Variants in SPAG16 observed in about 807,000 individuals in gnomAD.
SPAG16 encodes sperm associated antigen 16.
SPAG16 carries 86 observed loss-of-function variants against 80.4 expected under a neutral mutation model. That is an observed-to-expected ratio of 1.07 (90% CI 0.90 to 1.28). SPAG16 has a LOEUF of 1.28. Among genes scored for constraint, SPAG16 ranks in the 50% most tolerant of loss-of-function variants. SPAG16 has a pLI of 0.00. For synonymous variants in SPAG16, 294 were observed against 265.9 expected (o/e 1.11, Z -1.03); for missense variants, 870 against 765.3 (o/e 1.14, Z -1.61).
Position 213,824,931 on chromosome 2 carries a change from A to G in SPAG16, c.1071-37554A>G, listed in dbSNP as rs112097808. The stretch of plus-strand genomic sequence containing the variant: ...GAATCAGTGTTCTAGTTTTCATTGT[A>G]TATGTTTCACTTCTCTGGTTAATTC... On this transcript the variant is annotated intron_variant, in intron 10 of 15. Coordinates refer to ENST00000331683, the MANE Select transcript of SPAG16 (RefSeq NM_024532.5). Among the ~76,000 whole-genome samples, 117 of 151,852 alleles carry G rather than the reference A, an allele frequency of 7.7e-4. 2 individuals are homozygous for G. The highest frequency in any genetic ancestry group is 2.6e-3 in the African/African-American group (109 of 41,464).
At chr2:214,347,125 T>C (rs529555966) in intron 15 of SPAG16, among the ~76,000 whole-genome samples, 2 of 152,274 alleles carry the variant, frequency 1.3e-5, no homozygotes, top group East Asian at 3.9e-4. Flanking sequence ...ATGAGTACAC[T>C]GTTATTGGTG....
At chr2:213,401,448 T>G (rs1284665076) in intron 9 of SPAG16, among the ~76,000 whole-genome samples, 1 of 152,242 alleles carries the variant, frequency 6.6e-6, no homozygotes, top group East Asian at 1.9e-4. Context: ...TTATTGTTTC[T>G]TTGGTATAAA....
intron 5 of SPAG16, among the ~76,000 whole-genome samples, chr2:213,318,251 G>T (rs900492511): frequency 1.3e-5 from 2 of 151,934 alleles, no homozygotes; most frequent in Non-Finnish European, 2.9e-5. Context: ...TGGAATCAAC[G>T]TAAGTGTCCA....
chr2:213,446,934 C>T (rs992261386), intron 9 of SPAG16, among the ~76,000 whole-genome samples: 15 of 152,144 alleles, frequency 9.9e-5, no homozygotes, highest in Non-Finnish European at 1.9e-4. Context: ...ATTTGGTCTC[C>T]GGCCTCTCCC....
chr2:214,059,184 G>GTCTCTCTC (rs1338455574), intron 13 of SPAG16, among the ~76,000 whole-genome samples: 21 of 58,400 alleles, frequency 3.6e-4, no homozygotes, highest in African/African-American at 9.8e-4. Context: ...CTCTCTCTCT[G>GTCTCTCTC]TCTATATATA....
intron 13 of SPAG16, among the ~76,000 whole-genome samples, chr2:214,063,504 G>A (rs1210329547): frequency 6.6e-6 from 1 of 152,122 alleles, no homozygotes; most frequent in Non-Finnish European, 1.5e-5. Context: ...CAACAATGGG[G>A]CAATTACTAG....
intron 11 of SPAG16, among the ~76,000 whole-genome samples, chr2:213,888,382 G>A (rs1437382782): frequency 6.6e-6 from 1 of 151,718 alleles, no homozygotes; most frequent in African/African-American, 2.4e-5. Context: ...AGAAAAGTTA[G>A]GTACATTATT....
At chr2:214,150,563 A>G (rs1183726770) in intron 15 of SPAG16, among the ~76,000 whole-genome samples, 1 of 152,098 alleles carries the variant, frequency 6.6e-6, no homozygotes, top group Non-Finnish European at 1.5e-5. Context: ...AGGAACTCTT[A>G]CAGCTTTCAC....
chr2:213,461,809 T>C (rs911964531), intron 9 of SPAG16, among the ~76,000 whole-genome samples: 14 of 152,138 alleles, frequency 9.2e-5, no homozygotes, highest in African/African-American at 3.4e-4. Flanking sequence ...ACAAAAATGC[T>C]ATAGGAATAG....
intron 15 of SPAG16, among the ~76,000 whole-genome samples, chr2:214,330,079 C>T (rs1696799104): frequency 1.4e-5 from 2 of 146,960 alleles, no homozygotes; most frequent in Admixed American, 1.4e-4. Flanking sequence ...CCAACCTGGC[C>T]AACATGATGA....
intron 9 of SPAG16, among the ~76,000 whole-genome samples, chr2:213,410,743 G>A (rs767459420): frequency 6.6e-6 from 1 of 152,176 alleles, no homozygotes; most frequent in Non-Finnish European, 1.5e-5. Flanking sequence ...TTGTGCGCAC[G>A]GCAAGCCAGA....
At chr2:214,245,951 T>C (rs954251680) in intron 15 of SPAG16, among the ~76,000 whole-genome samples, 1 of 152,166 alleles carries the variant, frequency 6.6e-6, no homozygotes, top group African/African-American at 2.4e-5. Context: ...GGAATTTACA[T>C]GCACAGTTAA....
intron 11 of SPAG16, among the ~76,000 whole-genome samples, chr2:213,900,163 C>T (rs923985961): frequency 2.6e-5 from 4 of 152,086 alleles, no homozygotes; most frequent in Non-Finnish European, 5.9e-5. Context: ...GGTACACTGA[C>T]AAATTTTGCA....
intron 9 of SPAG16, among the ~76,000 whole-genome samples, chr2:213,419,039 A>G (rs987037117): frequency 1.0e-5 from 1 of 99,780 alleles, no homozygotes; most frequent in Admixed American, 9.8e-5. Context: ...GTAGTATGGT[A>G]GGAATAGAGA....
chr2:214,139,649 C>T (rs1007229498), intron 14 of SPAG16, among the ~76,000 whole-genome samples: 5 of 151,944 alleles, frequency 3.3e-5, no homozygotes, highest in Non-Finnish European at 7.4e-5. Flanking sequence ...AATATGAATT[C>T]CTTCATTTGG....
intron 6 of SPAG16, among the ~76,000 whole-genome samples, chr2:213,348,299 GC>G (rs2065117083): frequency 6.6e-6 from 1 of 152,010 alleles, no homozygotes; most frequent in African/African-American, 2.4e-5. Flanking sequence ...TTTCCTGAAT[GC>G]AACACAATGA....
chr2:213,604,938 T>G (rs553767790), intron 10 of SPAG16, among the ~76,000 whole-genome samples: 1 of 148,828 alleles, frequency 6.7e-6, no homozygotes, highest in Non-Finnish European at 1.5e-5. Flanking sequence ...ATATTATATA[T>G]AAAATATTTA....
chr2:214,223,668 A>G (rs1273537651), intron 15 of SPAG16, among the ~76,000 whole-genome samples: 2 of 152,094 alleles, frequency 1.3e-5, no homozygotes, highest in Admixed American at 6.6e-5. Flanking sequence ...TTATAATAAA[A>G]TATCAATTTT....
At chr2:214,110,851 T>C (rs1326965426) in intron 14 of SPAG16, among the ~76,000 whole-genome samples, 1 of 152,210 alleles carries the variant, frequency 6.6e-6, no homozygotes, top group Non-Finnish European at 1.5e-5. Context: ...GGTATCTCAT[T>C]GTGGTTTTGA....
Sources: gnomAD v4.1 joint callset for allele counts (sites outside exome capture counted in the v4.1 genomes callset) on GRCh38, gnomAD v4.1.1 for gene constraint, MANE v1.5 for transcripts, NCBI Gene and HGNC (gene_info 2026-07-23, HGNC 2026-07-21) for gene names.